The following NRCAM variants were observed in gnomAD, a reference collection of about 807,000 sequenced individuals.
NRCAM encodes neuronal cell adhesion molecule.
Under a neutral mutation model 156.5 loss-of-function variants are expected in NRCAM, and 83 were observed. The ratio of observed to expected loss-of-function variants is 0.53; its 90% CI spans 0.44 to 0.64. The LOEUF (loss-of-function observed/expected upper bound fraction) is 0.64. Ranked by LOEUF, NRCAM falls within the 30% of genes least tolerant of loss-of-function variation. The pLI, the probability that NRCAM is intolerant of heterozygous loss-of-function variation, is 0.00. For synonymous variants in NRCAM, 538 were observed against 563.9 expected, an observed-to-expected ratio of 0.95 and a Z score of 0.65; for missense variants, 1,417 against 1,597.3, an observed-to-expected ratio of 0.89 and a Z score of 1.92.
intron 2 of NRCAM, among the ~76,000 whole-genome samples, chr7:108,353,778 A>G (rs1221575875): frequency 6.6e-6 from 1 of 152,266 alleles, no homozygotes; most frequent in Non-Finnish European, 1.5e-5. Context: ...GAATACATGA[A>G]TGAGTTTTCC....
intron 10 of NRCAM, 102 bp downstream of exon 10, chr7:108,225,543 A>G: frequency 1.3e-6 from 1 of 785,172 alleles, no homozygotes; most frequent in Non-Finnish European, 2.3e-6. Flanking sequence ...ATATAACTAG[A>G]AATCTCATAA....
intron 1 of NRCAM, among the ~76,000 whole-genome samples, chr7:108,399,837 TAGGACAG>T (rs907504007): frequency 1.3e-5 from 2 of 152,166 alleles, no homozygotes; most frequent in African/African-American, 4.8e-5. Flanking sequence ...CATTGCAGTG[TAGGACAG>T]AAGTCTGAAT....
chr7:108,382,959 C>T (rs1479900896), intron 2 of NRCAM, among the ~76,000 whole-genome samples: 2 of 152,168 alleles, frequency 1.3e-5, no homozygotes, highest in Admixed American at 6.5e-5. Flanking sequence ...CACTAACTTT[C>T]CCTAAGCTTC....
intron 9 of NRCAM, 99 bp from the exon 10 acceptor site, chr7:108,225,800 G>C: frequency 1.3e-6 from 1 of 792,658 alleles, no homozygotes. Flanking sequence ...TATCCTGACC[G>C]AGTGCTGTTC....
chr7:108,455,958 G>A (rs1265539859), intron 1 of NRCAM, among the ~76,000 whole-genome samples: 1 of 152,220 alleles, frequency 6.6e-6, no homozygotes, highest in Admixed American at 6.5e-5. Context: ...GGCTGGAGGG[G>A]GTGGTGGGTG....
chr7:108,404,787 G>A (rs1235159972), intron 1 of NRCAM, among the ~76,000 whole-genome samples: 4 of 152,212 alleles, frequency 2.6e-5, no homozygotes, highest in Non-Finnish European at 4.4e-5. Flanking sequence ...GTTGGGGGCA[G>A]AAAGTGATAA....
chr7:108,313,501 CAA>C (rs2098833107), intron 2 of NRCAM, among the ~76,000 whole-genome samples: 1 of 152,118 alleles, frequency 6.6e-6, no homozygotes, highest in African/African-American at 2.4e-5. Context: ...AGAAGAGAAA[CAA>C]GTGTCAATTC....
intron 3 of NRCAM, among the ~76,000 whole-genome samples, chr7:108,256,486 C>T (rs2096668307): frequency 2.0e-5 from 3 of 149,806 alleles, no homozygotes; most frequent in African/African-American, 4.9e-5. Flanking sequence ...ACAAACACTG[C>T]GGAAGGCCGC....
intron 14 of NRCAM, among the ~76,000 whole-genome samples, chr7:108,196,553 T>C (rs1424222158): frequency 2.6e-5 from 4 of 152,098 alleles, no homozygotes; most frequent in South Asian, 2.1e-4. Context: ...AAAGAAGATA[T>C]ACAAACAGCC....
chr7:108,217,821 G>T (rs1390859669), intron 11 of NRCAM, among the ~76,000 whole-genome samples: 1 of 152,204 alleles, frequency 6.6e-6, no homozygotes, highest in East Asian at 1.9e-4. Flanking sequence ...TTGGCAGCCA[G>T]AATTTCAAAT....
At chr7:108,180,452 G>A in intron 24 of NRCAM, 25 bp from the exon 25 acceptor site, 1 of 1,589,326 alleles carries the variant, frequency 6.3e-7, no homozygotes, top group Non-Finnish European at 8.6e-7. Flanking sequence ...ACGAAAGTCA[G>A]GAATGCAGAA....
chr7:108,244,325 T>G (rs2095756925), intron 3 of NRCAM, among the ~76,000 whole-genome samples: 1 of 152,194 alleles, frequency 6.6e-6, no homozygotes, highest in African/African-American at 2.4e-5. Context: ...ACTATTGCTC[T>G]GATGCCTCAT....
At chr7:108,284,800 C>G (rs2098019464) in intron 3 of NRCAM, among the ~76,000 whole-genome samples, 1 of 152,236 alleles carries the variant, frequency 6.6e-6, no homozygotes, top group Non-Finnish European at 1.5e-5. Flanking sequence ...CACTTGTTTA[C>G]AAGTCTGTCT....
intron 13 of NRCAM, among the ~76,000 whole-genome samples, chr7:108,200,601 C>T (rs1370161789): frequency 6.6e-6 from 1 of 152,138 alleles, no homozygotes; most frequent in African/African-American, 2.4e-5. Flanking sequence ...GACTTGTTCT[C>T]TGTCAGTGAT....
intron 13 of NRCAM, among the ~76,000 whole-genome samples, chr7:108,199,628 T>TG (rs2076904842): frequency 6.6e-6 from 1 of 152,310 alleles, no homozygotes; most frequent in East Asian, 1.9e-4. Flanking sequence ...TGCATCTCTC[T>TG]GATCATTCTT....
At chr7:108,225,740 G>A (rs752976824) in intron 9 of NRCAM, 39 bp from the exon 10 acceptor site, 4 of 1,252,604 alleles carry the variant, frequency 3.2e-6, no homozygotes, top group Middle Eastern at 1.9e-4. Flanking sequence ...GCATAAAAGT[G>A]GGGGAGAAGG....
chr7:108,264,329 G>A (rs2097004488), intron 3 of NRCAM, among the ~76,000 whole-genome samples: 1 of 152,132 alleles, frequency 6.6e-6, no homozygotes, highest in Non-Finnish European at 1.5e-5. Flanking sequence ...TATCTAGGAA[G>A]ACATATTTAA....
At chr7:108,392,730 C>A (rs1269113031) in intron 2 of NRCAM, among the ~76,000 whole-genome samples, 1 of 152,110 alleles carries the variant, frequency 6.6e-6, no homozygotes, top group Non-Finnish European at 1.5e-5. Flanking sequence ...ATGATGGTGA[C>A]GTACAGATGG....
intron 3 of NRCAM, among the ~76,000 whole-genome samples, chr7:108,275,338 G>A (rs1439914242): frequency 6.6e-6 from 1 of 152,148 alleles, no homozygotes; most frequent in African/African-American, 2.4e-5. Context: ...TGTACTTCTG[G>A]TAGAATTCAG....
Sources: allele counts gnomAD v4.1 joint callset (sites outside exome capture counted in the v4.1 genomes callset), GRCh38; gene constraint gnomAD v4.1.1; transcripts MANE v1.5; gene names NCBI Gene and HGNC (gene_info 2026-07-23, HGNC 2026-07-21).